ADK: variants seen among roughly 807,000 people sequenced by gnomAD.
The protein encoded by ADK is adenosine kinase.
ADK carries 24 observed loss-of-function variants against 44.7 expected under a neutral mutation model. The ratio of observed to expected loss-of-function variants is 0.54; its 90% CI spans 0.39 to 0.76. ADK has a LOEUF of 0.76. Among genes scored for constraint, ADK ranks in the 30% least tolerant of loss-of-function variants. ADK has a pLI of 0.00. For missense variants in ADK, 321 were observed against 425.1 expected (o/e 0.76, Z 2.15); for synonymous variants, 128 against 142.6 (o/e 0.90, Z 0.73).
chr10:74,639,879 A>G (rs1853780140), intron 9 of ADK, among the ~76,000 whole-genome samples: 1 of 152,124 alleles, frequency 6.6e-6, no homozygotes, highest in Non-Finnish European at 1.5e-5. Context: ...CAAAACAAAA[A>G]CAAAGTAGCA....
In ADK at chr10:74,300,316, TTCCTTCC is replaced by T. The variant is rs1839980411; in HGVS notation, c.195-14349_195-14343del. ...CTTCCTTCCTTCCTTCCTTCTTTCCTTCCTTCCTTCCTTCCTTCCTTCCTTCCTTCCT... is the reference window on the plus strand; with the variant it reads ...CTTCCTTCCTTCCTTCCTTCTTTCCTTTCCTTCCTTCCTTCCTTCCTTCCT... On this transcript the variant is annotated intron_variant, in intron 3 of 10. Coordinates refer to ENST00000539909, the MANE Select transcript of ADK (RefSeq NM_006721.4). Among the ~76,000 whole-genome samples, 18 of 112,270 alleles carry T rather than the reference TTCCTTCC, an allele frequency of 1.6e-4. 2 individuals are homozygous for T. The highest frequency in any genetic ancestry group is 5.4e-4 in the African/African-American group (16 of 29,784). 73.7% of individuals were successfully genotyped at this position (112,270 alleles called of 152,430 possible).
intron 6 of ADK, among the ~76,000 whole-genome samples, chr10:74,498,836 A>G (rs1847788728): frequency 6.6e-6 from 1 of 152,232 alleles, no homozygotes; most frequent in African/African-American, 2.4e-5. Flanking sequence ...GACTGGATTA[A>G]GAAAATGTGG....
At chr10:74,172,286 G>A (rs1842185009) in intron 1 of ADK, among the ~76,000 whole-genome samples, 1 of 152,000 alleles carries the variant, frequency 6.6e-6, no homozygotes, top group African/African-American at 2.4e-5. Flanking sequence ...CTACAGGTGT[G>A]TGGTCTCCCT....
At chr10:74,380,817 A>G (rs1313260252) in intron 4 of ADK, among the ~76,000 whole-genome samples, 1 of 152,190 alleles carries the variant, frequency 6.6e-6, no homozygotes, top group Non-Finnish European at 1.5e-5. Flanking sequence ...TAAATTTCAG[A>G]AAATAATTAT....
intron 6 of ADK, among the ~76,000 whole-genome samples, chr10:74,510,046 G>C (rs1207148932): frequency 6.6e-6 from 1 of 152,138 alleles, no homozygotes; most frequent in South Asian, 2.1e-4. Flanking sequence ...AATAAGCATA[G>C]GGGTACACAT....
intron 9 of ADK, among the ~76,000 whole-genome samples, chr10:74,609,568 C>T (rs1359793147): frequency 1.3e-5 from 2 of 152,104 alleles, no homozygotes; most frequent in East Asian, 3.9e-4. Context: ...TGGGCTGCAC[C>T]CACTGTCTAA....
chr10:74,558,102 C>A (rs1023610832), intron 7 of ADK, among the ~76,000 whole-genome samples: 9 of 147,304 alleles, frequency 6.1e-5, no homozygotes, highest in African/African-American at 2.2e-4. Flanking sequence ...CCTCAGGAAG[C>A]AATTTAGAAC....
chr10:74,571,844 T>G (rs1850975830), intron 7 of ADK, among the ~76,000 whole-genome samples: 1 of 152,194 alleles, frequency 6.6e-6, no homozygotes. Flanking sequence ...ATGTGTTTGC[T>G]CTTGCTTTTC....
At chr10:74,245,705 G>A (rs547498317) in intron 3 of ADK, among the ~76,000 whole-genome samples, 2 of 151,038 alleles carry the variant, frequency 1.3e-5, no homozygotes, top group East Asian at 3.9e-4. Flanking sequence ...ATTCTCCTGT[G>A]TCAGCCTTCT....
intron 10 of ADK, among the ~76,000 whole-genome samples, chr10:74,689,277 A>T (rs534792319): frequency 2.0e-5 from 3 of 151,744 alleles, no homozygotes; most frequent in African/African-American, 4.8e-5. Context: ...AATAAATAAT[A>T]AAATAAATAA....
chr10:74,385,096 G>A (rs1843098421), intron 4 of ADK, among the ~76,000 whole-genome samples: 1 of 152,186 alleles, frequency 6.6e-6, no homozygotes. Flanking sequence ...TAATGAAAAT[G>A]TGATGGTTGC....
At chr10:74,247,792 T>C (rs567835885) in intron 3 of ADK, among the ~76,000 whole-genome samples, 140 of 152,174 alleles carry the variant, frequency 9.2e-4, no homozygotes, top group Non-Finnish European at 1.6e-3. Context: ...AAATAGGTTC[T>C]TGTGTTTTAG....
At chr10:74,201,831 A>G (rs940133935) in intron 2 of ADK, among the ~76,000 whole-genome samples, 1 of 152,104 alleles carries the variant, frequency 6.6e-6, no homozygotes, top group African/African-American at 2.4e-5. Flanking sequence ...AAATTTAAGT[A>G]GTAAAAAAGA....
chr10:74,356,289 A>T (rs1252577421), intron 4 of ADK, among the ~76,000 whole-genome samples: 1 of 151,904 alleles, frequency 6.6e-6, no homozygotes, highest in Non-Finnish European at 1.5e-5. Context: ...AAGTGCTGGG[A>T]TTACAGGCGT....
intron 2 of ADK, among the ~76,000 whole-genome samples, chr10:74,210,449 T>C (rs1256413779): frequency 1.3e-5 from 2 of 152,282 alleles, no homozygotes; most frequent in East Asian, 3.9e-4. Context: ...CATGAGTTTT[T>C]ATTAATCTGA....
chr10:74,382,867 C>T (rs978692252), intron 4 of ADK, among the ~76,000 whole-genome samples: 26 of 151,982 alleles, frequency 1.7e-4, no homozygotes, highest in African/African-American at 5.3e-4. Flanking sequence ...TGGCCTAGAC[C>T]GTGTTAGTCA....
chr10:74,312,321 TGTGTATATATATTATATATGA>T (rs1840462655), intron 3 of ADK, among the ~76,000 whole-genome samples: 1 of 151,962 alleles, frequency 6.6e-6, no homozygotes, highest in African/African-American at 2.4e-5. Flanking sequence ...TATATATATG[TGTGTATATATATTATATATGA>T]GAGATAGTTA....
At chr10:74,455,472 G>A (rs1008189416) in intron 6 of ADK, among the ~76,000 whole-genome samples, 1 of 152,078 alleles carries the variant, frequency 6.6e-6, no homozygotes, top group Non-Finnish European at 1.5e-5. Flanking sequence ...CTTGACTTAT[G>A]AAGCTTAGTT....
At chr10:74,247,828 T>G (rs1326346436) in intron 3 of ADK, among the ~76,000 whole-genome samples, 3 of 152,054 alleles carry the variant, frequency 2.0e-5, no homozygotes, top group Non-Finnish European at 4.4e-5. Flanking sequence ...CTTTTTTCCT[T>G]TTTTTCCCCC....
Sources: gnomAD v4.1 joint callset for allele counts (sites outside exome capture counted in the v4.1 genomes callset) on GRCh38, gnomAD v4.1.1 for gene constraint, MANE v1.5 for transcripts, NCBI Gene and HGNC (gene_info 2026-07-23, HGNC 2026-07-21) for gene names.